The following ECHS1 variants were observed in gnomAD, a reference collection of about 807,000 sequenced individuals.
ECHS1 encodes the protein enoyl-CoA hydratase, short chain 1.
Under a neutral mutation model 33.5 loss-of-function variants are expected in ECHS1, and 19 were observed. The ratio of observed to expected loss-of-function variants is 0.57; its 90% CI spans 0.40 to 0.83. The LOEUF (loss-of-function observed/expected upper bound fraction) is 0.83, where lower values mean the gene tolerates loss of function less well. Ranked by LOEUF, ECHS1 falls within the 40% of genes least tolerant of loss-of-function variation. ECHS1 has a pLI of 0.00. For synonymous variants in ECHS1, 158 were observed against 146.6 expected, an observed-to-expected ratio of 1.08 and a Z score of -0.56; for missense variants, 365 against 381.3, an observed-to-expected ratio of 0.96 and a Z score of 0.36.
intron 7 of ECHS1, among the ~76,000 whole-genome samples, chr10:133,363,576 G>A (rs1848993823): frequency 6.6e-6 from 1 of 152,192 alleles, no homozygotes; most frequent in Non-Finnish European, 1.5e-5. Context: ...TTGAGGTCAG[G>A]AGTTCAAGAC....
At chr10:133,370,075 A>G in intron 2 of ECHS1, 44 bp from the exon 3 acceptor site, 1 of 1,610,586 alleles carries the variant, frequency 6.2e-7, no homozygotes, top group Admixed American at 1.7e-5. Context: ...GAGAGCAGAG[A>G]GCCCACCCAT....
At chr10:133,371,052 C>T (rs1364878876) in intron 1 of ECHS1, among the ~76,000 whole-genome samples, 6 of 152,148 alleles carry the variant, frequency 3.9e-5, no homozygotes, top group African/African-American at 1.2e-4. Flanking sequence ...CCGAAGCGGT[C>T]GAATCACAAG....
intron 1 of ECHS1, among the ~76,000 whole-genome samples, chr10:133,372,554 G>A (rs1303584965): frequency 6.6e-6 from 1 of 152,124 alleles, no homozygotes; most frequent in East Asian, 1.9e-4. Context: ...GGAACACCCC[G>A]GATTTTTACA....
At chr10:133,367,037 C>G (rs1271984772) in intron 4 of ECHS1, 44 bp from the exon 5 acceptor site, 1 of 1,489,716 alleles carries the variant, frequency 6.7e-7, no homozygotes, top group Admixed American at 1.8e-5. Flanking sequence ...GATGAGTGAA[C>G]CCAAGAAGAC....
At chr10:133,366,220 G>T in intron 5 of ECHS1, 125 bp from the exon 6 acceptor site, 1 of 1,182,520 alleles carries the variant, frequency 8.5e-7, no homozygotes, top group Non-Finnish European at 1.2e-6. Flanking sequence ...AAGCAAGGGC[G>T]GCTTCCACAC....
chr10:133,362,826 TG>T lies in ECHS1; in HGVS notation c.*41del. The T allele has an allele frequency of 6.3e-7, 1 of 1,593,396 alleles. No individual in the cohort carries two copies. Among genetic ancestry groups the T allele is most frequent in the Non-Finnish European group, 8.6e-7 (1 of 1,161,114 alleles). On this transcript the variant is annotated 3_prime_UTR_variant, in exon 8 of 8. Coordinates refer to ENST00000368547, the MANE Select transcript of ECHS1 (RefSeq NM_004092.4). ...GCTTCTAAAACTGACAGGCTGCACTTGTCCTCTCCAAGCAGAGGTGTGAAGC... is the reference window on the plus strand; with the variant it reads ...GCTTCTAAAACTGACAGGCTGCACTTTCCTCTCCAAGCAGAGGTGTGAAGC...
Position 133,373,140 on chromosome 10 carries a change from G to A in ECHS1, c.88+106C>T, listed in dbSNP as rs1849138176. The A allele has an allele frequency of 1.1e-5, 10 of 913,424 alleles. No individual in the cohort carries two copies. In the East Asian group the frequency reaches 2.7e-4, roughly 25 times the overall value. 56.6% of individuals were successfully genotyped at this position (913,424 alleles called of 1,614,324 possible). ...AGGGGTGTGGGTTGGGGTCAGGTGGGGGATGCGGGGTCAGGTGGGAGGGGG... is the reference window on the plus strand; with the variant it reads ...AGGGGTGTGGGTTGGGGTCAGGTGGAGGATGCGGGGTCAGGTGGGAGGGGG... On this transcript the variant is annotated intron_variant, in intron 1 of 7. Transcript: ENST00000368547.
chr10:133,369,820 C>A, intron 3 of ECHS1, 84 bp downstream of exon 3: 1 of 1,534,146 alleles, frequency 6.5e-7, no homozygotes, highest in Non-Finnish European at 8.8e-7. Flanking sequence ...AAGGCCTCTT[C>A]AAAATAAAAA....
intron 6 of ECHS1, among the ~76,000 whole-genome samples, chr10:133,365,464 G>A (rs1323006807): frequency 2.0e-5 from 3 of 152,260 alleles, no homozygotes. Context: ...AGAATAAATT[G>A]TGACATTAAA....
intron 4 of ECHS1, among the ~76,000 whole-genome samples, chr10:133,368,440 T>G (rs939039519): frequency 1.3e-5 from 2 of 152,138 alleles, no homozygotes; most frequent in African/African-American, 4.8e-5. Flanking sequence ...GGGCCCACCC[T>G]TCCTACCAGG....
In ECHS1 at chr10:133,366,327, G is replaced by A. The variant is rs34219763; in HGVS notation, c.620-232C>T. Reference sequence around the variant, plus strand: ...TGTGGGCCAGGCTGGCCACAGCTCCGACGGCAGAGGCGGCCAGACACGGGG... The same window carrying A: ...TGTGGGCCAGGCTGGCCACAGCTCCAACGGCAGAGGCGGCCAGACACGGGG... On this transcript the variant is annotated intron_variant, in intron 5 of 7. Coordinates refer to ENST00000368547, the MANE Select transcript of ECHS1 (RefSeq NM_004092.4). Among the ~76,000 whole-genome samples, 13,673 of 152,312 alleles carry A rather than the reference G, an allele frequency of 0.09. 825 individuals are homozygous for A. Among genetic ancestry groups the A allele is most frequent in the Admixed American group, 0.15 (2,272 of 15,300 alleles).
rs1554885610 is a variant in ECHS1 at position 133,363,380 on chromosome 10, C to CACACGCATCTGT, written c.808-459_808-448dup. The stretch of plus-strand genomic sequence containing the variant: ...GCACACACACACACACACACACACA[C>CACACGCATCTGT]ACACGCATCTGTACCCCTTCCTCAG... On this transcript the variant is annotated intron_variant, in intron 7 of 7. Coordinates refer to ENST00000368547, the MANE Select transcript of ECHS1 (RefSeq NM_004092.4). Among the ~76,000 whole-genome samples, 704 of 151,294 alleles carry CACACGCATCTGT rather than the reference C, an allele frequency of 4.7e-3. 3 individuals carry two copies. The highest frequency in any genetic ancestry group is 0.02 in the Middle Eastern group (6 of 294).
chr10:133,369,549 CT>C (rs1450186872), intron 3 of ECHS1, among the ~76,000 whole-genome samples: 2 of 16 alleles, frequency 0.12, 1 homozygote, highest in East Asian at 1. Flanking sequence ...ATCACATTGC[CT>C]TCCCTATAGG....
intron 7 of ECHS1, among the ~76,000 whole-genome samples, chr10:133,363,620 C>T (rs988514780): frequency 5.3e-5 from 8 of 152,108 alleles, no homozygotes; most frequent in Non-Finnish European, 8.8e-5. Context: ...TCTGTCTCTA[C>T]TAAAAATACA....
chr10:133,366,905 CTGGG>C lies in ECHS1; in HGVS notation c.599_602del (p.Ala200GlyfsTer36). The C allele has an allele frequency of 6.2e-7, 1 of 1,611,944 alleles. No homozygotes were observed. Among genetic ancestry groups the C allele is most frequent in the Non-Finnish European group, 8.5e-7 (1 of 1,179,900 alleles). On this transcript the variant is annotated frameshift_variant, in exon 5 of 8. Coordinates refer to ENST00000368547, the MANE Select transcript of ECHS1 (RefSeq NM_004092.4). LOFTEE classifies it high-confidence loss of function. ...AACCCATACCTGCTTGCTTGGCGTCCTGGGCTGAGATCCGGTCACCAGTGAGGAC... is the reference window on the plus strand; with the variant it reads ...AACCCATACCTGCTTGCTTGGCGTCCCTGAGATCCGGTCACCAGTGAGGAC...
Position 133,362,733 on chromosome 10 carries a change from G to T in ECHS1, c.*135C>A. 2.0e-6 allele frequency: 2 copies of T among 1,015,048 alleles called. No individual in the cohort carries two copies. The highest frequency in any genetic ancestry group is 1.4e-5 in the South Asian group (1 of 72,922). 62.9% of individuals were successfully genotyped at this position (1,015,048 alleles called of 1,614,324 possible). On this transcript the variant is annotated 3_prime_UTR_variant, in exon 8 of 8. Transcript: ENST00000368547. Reference sequence around the variant, plus strand: ...GTCATGCCGTGAGAGGTCGGGCCACGACCACGCAGCAATTGGAGAGGAACT... The same window carrying T: ...GTCATGCCGTGAGAGGTCGGGCCACTACCACGCAGCAATTGGAGAGGAACT...
At chr10:133,372,808 G>A (rs1424078566) in intron 1 of ECHS1, among the ~76,000 whole-genome samples, 2 of 139,038 alleles carry the variant, frequency 1.4e-5, no homozygotes, top group Non-Finnish European at 3.1e-5. Context: ...AGGCGAGGGG[G>A]GTGTTGCAGG....
intron 6 of ECHS1, among the ~76,000 whole-genome samples, chr10:133,365,195 G>C (rs547816892): frequency 2.0e-4 from 31 of 152,364 alleles, no homozygotes; most frequent in African/African-American, 6.5e-4. Context: ...TGCGCAGATG[G>C]AGGCAGGCGC....
intron 1 of ECHS1, among the ~76,000 whole-genome samples, chr10:133,372,346 C>T (rs1413769293): frequency 1.3e-5 from 2 of 152,212 alleles, no homozygotes; most frequent in African/African-American, 4.8e-5. Context: ...GTGATGGCCG[C>T]TCATGAGTGG....
Sources: allele counts gnomAD v4.1 joint callset (sites outside exome capture counted in the v4.1 genomes callset), GRCh38; gene constraint gnomAD v4.1.1; transcripts MANE v1.5; gene names NCBI Gene and HGNC (gene_info 2026-07-23, HGNC 2026-07-21).